HACD4: variants seen among roughly 807,000 people sequenced by gnomAD.
HACD4 encodes very-long-chain (3R)-3-hydroxyacyl-CoA dehydratase 4.
HACD4 carries 35 observed loss-of-function variants against 33.3 expected under a neutral mutation model. The observed-to-expected ratio is 1.05, with a 90% CI of 0.80 to 1.39. The LOEUF is 1.39. Ranked by LOEUF, HACD4 falls within the 40% of genes most tolerant of loss-of-function variation. HACD4 has a pLI of 0.00. For missense variants in HACD4, 323 were observed against 276.5 expected (o/e 1.17, Z -1.19); for synonymous variants, 118 against 98.0 (o/e 1.20, Z -1.21).
rs1429184428 is a variant in HACD4, at chr9:21,029,495, CAAAAG to C, written c.39-102_39-98del. ...TAATGTACTGGCCAACCTGAGAAAG[CAAAAG>C]AAAACTGTTTCATATCAGTCTTTTA... On this transcript the variant is annotated intron_variant, in intron 1 of 6. Coordinates refer to ENST00000495827, the MANE Select transcript of HACD4 (RefSeq NM_001010915.5). The C allele has an allele frequency of 1.7e-5, 11 of 662,898 alleles. No homozygotes were observed. In the African/African-American group the frequency reaches 1.7e-4, roughly 10 times the overall value. The allele number at this position is 662,898 out of a possible 1,614,324, so 41.1% of individuals were successfully genotyped here.
intron 1 of HACD4, among the ~76,000 whole-genome samples, chr9:21,031,178 T>C (rs1444156478): frequency 6.6e-6 from 1 of 152,090 alleles, no homozygotes; most frequent in African/African-American, 2.4e-5. Flanking sequence ...CTGAAATCTA[T>C]ACGTGTGATA....
At chr9:21,025,195 T>C (rs539076590) in intron 3 of HACD4, among the ~76,000 whole-genome samples, 5 of 152,290 alleles carry the variant, frequency 3.3e-5, no homozygotes, top group Admixed American at 3.3e-4. Flanking sequence ...TATTTCAACA[T>C]TTTAAATGTC....
intron 2 of HACD4, 132 bp from the exon 3 acceptor site, chr9:21,026,855 A>G: frequency 2.9e-6 from 2 of 685,590 alleles, no homozygotes; most frequent in Admixed American, 5.5e-5. Flanking sequence ...AAATTCCTTA[A>G]GTAGGCTACT....
In HACD4 at chr9:21,018,997, T is replaced by C. The variant is rs192766801; in HGVS notation, c.271-2987A>G. ...TTAGTTTTAGTCTAAAAGACTACTA[T>C]TTTACTAAAATGAAAATCTAAACTC... is the stretch of plus-strand genomic sequence containing the variant. On this transcript the variant is annotated intron_variant, in intron 3 of 6. Transcript: ENST00000495827. Among the ~76,000 whole-genome samples the C allele has an allele frequency of 2.5e-3, 378 of 152,288 alleles. 2 individuals carry two copies. Among genetic ancestry groups the C allele is most frequent in the Non-Finnish European group, 4.3e-3 (289 of 67,992 alleles).
At position 21,008,032 on chromosome 9, in the gene HACD4, A is replaced by T. The variant is rs1475484137; in HGVS notation, c.605T>A (p.Met202Lys). 6.2e-7 allele frequency: 1 copy of T among 1,601,418 alleles called. No homozygotes were observed. Among genetic ancestry groups the T allele is most frequent in the South Asian group, 1.1e-5 (1 of 88,500 alleles). The change falls in exon 6 of 7, where the codon ATG becomes AAG. Residue 202 changes from methionine (M) to lysine (K), a missense_variant. Transcript: ENST00000495827. ...FPYVLKIYLM[M>K]LFIGMYFTYS... ...AAAAAGCCACTTACCTATAAAGAGC[A>T]TCATGAGATATATTTTCAGCACATA...
chr9:21,017,632 G>A (rs1842591822), intron 3 of HACD4, among the ~76,000 whole-genome samples: 1 of 152,054 alleles, frequency 6.6e-6, no homozygotes, highest in South Asian at 2.1e-4. Context: ...GAAATCTCAG[G>A]AGATACACAT....
intron 4 of HACD4, chr9:21,015,468 G>GT (rs1415504236): frequency 6.5e-6 from 1 of 154,254 alleles, no homozygotes; most frequent in African/African-American, 2.4e-5. Flanking sequence ...GTAAATGAAT[G>GT]TGAGAGTGCA....
chr9:21,024,798 A>C (rs75944200), intron 3 of HACD4, among the ~76,000 whole-genome samples: 1,817 of 152,336 alleles, frequency 0.012, 31 homozygotes, highest in African/African-American at 0.041. Context: ...TAGCCTAAAA[A>C]AGTAAAAAGG....
intron 5 of HACD4, among the ~76,000 whole-genome samples, chr9:21,010,456 A>ATTCCCCCCCCCC (rs1353043927): frequency 1.9e-5 from 2 of 105,006 alleles, no homozygotes; most frequent in African/African-American, 4.4e-5. Context: ...ACATCCTGGT[A>ATTCCCCCCCCCC]CCCCCCCCCC....
intron 3 of HACD4, among the ~76,000 whole-genome samples, chr9:21,018,982 T>G (rs1266135344): frequency 6.6e-6 from 1 of 152,152 alleles, no homozygotes; most frequent in African/African-American, 2.4e-5. Flanking sequence ...TTAGTTTTAG[T>G]CTAAAAGACT....
intron 5 of HACD4, among the ~76,000 whole-genome samples, chr9:21,011,215 G>C (rs961162664): frequency 3.3e-5 from 5 of 152,130 alleles, no homozygotes; most frequent in African/African-American, 1.2e-4. Flanking sequence ...ATGGTAAGTG[G>C]GAAAGACTCA....
chr9:21,028,188 A>G (rs1416293071), intron 2 of HACD4, among the ~76,000 whole-genome samples: 3 of 152,006 alleles, frequency 2.0e-5, no homozygotes, highest in Admixed American at 6.6e-5. Flanking sequence ...GAAAAGAAAA[A>G]GAAATACTTG....
At chr9:21,012,983 C>T (rs1842472304) in intron 4 of HACD4, among the ~76,000 whole-genome samples, 1 of 150,252 alleles carries the variant, frequency 6.7e-6, no homozygotes, top group East Asian at 2.0e-4. Context: ...AGGGGCATCA[C>T]TTGAATCCAG....
At chr9:21,021,642 GAATAA>G (rs1366285760) in intron 3 of HACD4, among the ~76,000 whole-genome samples, 2 of 152,084 alleles carry the variant, frequency 1.3e-5, no homozygotes, top group African/African-American at 4.8e-5. Context: ...GCTTCAAAGA[GAATAA>G]AATACCTAGG....
Position 21,002,106 on chromosome 9 carries a change from A to AGAT in HACD4, c.*4928_*4930dup. 6.6e-6 allele frequency: 1 copy of AGAT among 152,192 alleles called. No individual in the cohort carries two copies. Among genetic ancestry groups the AGAT allele is most frequent in the South Asian group, 2.1e-4 (1 of 4,830 alleles). 9.4% of individuals were successfully genotyped at this position (152,192 alleles called of 1,614,324 possible). A position where few individuals can be genotyped will look rare whatever the true frequency, so the allele number is the denominator to read the frequency against. On this transcript the variant is annotated 3_prime_UTR_variant, in exon 7 of 7. Transcript: ENST00000495827. ...TGAAACTTAAAGGAGTGATAGACAG[A>AGAT]GATATAAAGAGCAGAATTTTTGTAT...
chr9:21,008,722 A>T (rs561789962), intron 5 of HACD4, among the ~76,000 whole-genome samples: 42 of 152,240 alleles, frequency 2.8e-4, no homozygotes, highest in African/African-American at 9.9e-4. Context: ...CAGGTAAAAA[A>T]AAGATTAAAG....
chr9:21,014,650 T>G (rs528729967), intron 4 of HACD4, among the ~76,000 whole-genome samples: 9 of 152,284 alleles, frequency 5.9e-5, no homozygotes, highest in African/African-American at 2.2e-4. Context: ...GCACATCTCT[T>G]TGGATATACT....
Position 21,010,466 on chromosome 9 carries a change from C to A in HACD4, c.490+1123G>T, listed in dbSNP as rs922739321. On this transcript the variant is annotated intron_variant, in intron 5 of 6. Coordinates refer to ENST00000495827, the MANE Select transcript of HACD4 (RefSeq NM_001010915.5). ...CTCAGACATCCTGGTACCCCCCCCCCCCCCAGAGCTTACAGTCTAGTCAAG... is the reference window on the plus strand; with the variant it reads ...CTCAGACATCCTGGTACCCCCCCCCACCCCAGAGCTTACAGTCTAGTCAAG... 1.5e-5 allele frequency among the ~76,000 whole-genome samples: 2 copies of A among 134,018 alleles called. 1 individual carries two copies. The highest frequency in any genetic ancestry group is 5.8e-5 in the African/African-American group (2 of 34,268). The allele number at this position is 134,018 out of a possible 152,430, so 87.9% of individuals were successfully genotyped here.
intron 3 of HACD4, among the ~76,000 whole-genome samples, chr9:21,024,534 A>C (rs1013445125): frequency 2.6e-5 from 4 of 152,260 alleles, no homozygotes; most frequent in Non-Finnish European, 5.9e-5. Context: ...AGCAGTGATT[A>C]AAATCAGGTG....
Sources: allele counts gnomAD v4.1 joint callset (sites outside exome capture counted in the v4.1 genomes callset), GRCh38; gene constraint gnomAD v4.1.1; transcripts MANE v1.5; gene names NCBI Gene and HGNC (gene_info 2026-07-23, HGNC 2026-07-21).